The following IL1RAPL1 variants were observed in gnomAD, a reference collection of about 807,000 sequenced individuals.
The protein encoded by IL1RAPL1 is interleukin-1 receptor accessory protein-like 1.
IL1RAPL1 carries 3 observed loss-of-function variants against 48.4 expected under a neutral mutation model. The ratio of observed to expected loss-of-function variants is 0.06; its 90% CI spans 0.03 to 0.16. The LOEUF (loss-of-function observed/expected upper bound fraction) is 0.16, where lower values mean the gene tolerates loss of function less well. IL1RAPL1 is among the 10% of genes least tolerant of loss of function. The pLI, the probability that IL1RAPL1 is intolerant of heterozygous loss-of-function variation, is 1.00. For missense variants in IL1RAPL1, 349 were observed against 530.6 expected, an observed-to-expected ratio of 0.66 and a Z score of 3.36; for synonymous variants, 185 against 187.7, an observed-to-expected ratio of 0.99 and a Z score of 0.12.
At chrX:29,751,806 C>G (rs983648895) in intron 6 of IL1RAPL1, among the ~76,000 whole-genome samples, 7 of 107,968 alleles carry the variant, frequency 6.5e-5, no homozygotes, top group Admixed American at 6.1e-4. Flanking sequence ...GTGGTTCACA[C>G]CTGTAGTCCT....
At chrX:28,931,819 C>T (rs372390623) in intron 2 of IL1RAPL1, among the ~76,000 whole-genome samples, 3 of 109,945 alleles carry the variant, frequency 2.7e-5, no homozygotes, top group East Asian at 2.9e-4. Flanking sequence ...GGGTGGATCA[C>T]GAGGTCAGGA....
intron 3 of IL1RAPL1, among the ~76,000 whole-genome samples, chrX:29,304,165 T>C (rs1932581204): frequency 9.0e-6 from 1 of 110,980 alleles, no homozygotes; most frequent in Non-Finnish European, 1.9e-5. Context: ...AAATAACTAT[T>C]TTCTTGCTTT....
At chrX:29,177,464 G>A (rs1930047887) in intron 2 of IL1RAPL1, among the ~76,000 whole-genome samples, 1 of 111,633 alleles carries the variant, frequency 9.0e-6, no homozygotes, top group Admixed American at 9.5e-5. Context: ...CTTTTCTAGG[G>A]CAGAGTGGTT....
chrX:28,942,577 A>T (rs1939880484), intron 2 of IL1RAPL1: 3 of 107,248 alleles, frequency 2.8e-5, no homozygotes, highest in Admixed American at 1.0e-4. Flanking sequence ...TCATGTCTCA[A>T]TAAAAAAAGT....
chrX:29,072,481 G>A (rs1255869384), intron 2 of IL1RAPL1, among the ~76,000 whole-genome samples: 1 of 111,240 alleles, frequency 9.0e-6, no homozygotes, highest in Non-Finnish European at 1.9e-5. Flanking sequence ...TAGTCACGTT[G>A]GTTTTAATAT....
intron 2 of IL1RAPL1, among the ~76,000 whole-genome samples, chrX:29,126,894 GGGT>G (rs1928909601): frequency 9.0e-6 from 1 of 111,603 alleles, no homozygotes. Context: ...TTGTAATTCT[GGGT>G]AAGAGTCCTT....
At chrX:29,453,911 A>C (rs1434449956) in intron 5 of IL1RAPL1, among the ~76,000 whole-genome samples, 2 of 112,574 alleles carry the variant, frequency 1.8e-5, no homozygotes, top group Non-Finnish European at 3.7e-5. Context: ...TATGTGTTCT[A>C]AATATATTTT....
At chrX:29,360,084 C>A (rs948543795) in intron 3 of IL1RAPL1, among the ~76,000 whole-genome samples, 9 of 111,700 alleles carry the variant, frequency 8.1e-5, no homozygotes, top group African/African-American at 2.9e-4. Context: ...TTATTTTGGT[C>A]AATTTTGTTT....
chrX:28,962,594 T>G (rs889816995), intron 2 of IL1RAPL1, among the ~76,000 whole-genome samples: 3 of 111,088 alleles, frequency 2.7e-5, no homozygotes, highest in Admixed American at 1.9e-4. Flanking sequence ...GACTGTAGAT[T>G]GAAAATATTC....
intron 6 of IL1RAPL1, among the ~76,000 whole-genome samples, chrX:29,836,995 C>T (rs1931021500): frequency 9.1e-6 from 1 of 109,595 alleles, no homozygotes; most frequent in Non-Finnish European, 1.9e-5. Flanking sequence ...TGCGGTGGCT[C>T]ATGCCTGTAA....
At chrX:29,009,014 C>A (rs1022778457) in intron 2 of IL1RAPL1, among the ~76,000 whole-genome samples, 2 of 110,867 alleles carry the variant, frequency 1.8e-5, no homozygotes, top group Non-Finnish European at 3.8e-5. Context: ...TACTACATAG[C>A]CACAAAAAAG....
At chrX:29,278,204 A>G (rs1480908436) in intron 2 of IL1RAPL1, among the ~76,000 whole-genome samples, 1 of 112,274 alleles carries the variant, frequency 8.9e-6, no homozygotes, top group Non-Finnish European at 1.9e-5. Flanking sequence ...TTTAGCTTTT[A>G]CATAGGTAGT....
chrX:29,394,142 G>A (rs1259975808), intron 3 of IL1RAPL1, among the ~76,000 whole-genome samples: 1 of 109,697 alleles, frequency 9.1e-6, no homozygotes, highest in African/African-American at 3.3e-5. Flanking sequence ...CATTGATTCA[G>A]TGTCTTAAGT....
At chrX:29,137,501 G>A (rs934291846) in intron 2 of IL1RAPL1, among the ~76,000 whole-genome samples, 4 of 111,709 alleles carry the variant, frequency 3.6e-5, no homozygotes, top group Non-Finnish European at 7.5e-5. Context: ...CTTAGTGTAT[G>A]AACCACATTT....
chrX:29,210,482 G>A lies in IL1RAPL1; in HGVS notation c.83-72456G>A, dbSNP rs191291737. On this transcript the variant is annotated intron_variant, in intron 2 of 10. Coordinates refer to ENST00000378993, the MANE Select transcript of IL1RAPL1 (RefSeq NM_014271.4). ...TCTTAAGGAAGGGATAGTCAAATGTGCATCATTTAAATGTGATCTTAGATA... is the reference window on the plus strand; with the variant it reads ...TCTTAAGGAAGGGATAGTCAAATGTACATCATTTAAATGTGATCTTAGATA... Among the ~76,000 whole-genome samples the A allele has an allele frequency of 4.9e-3, 550 of 112,118 alleles. 8 individuals are homozygous for A. Among genetic ancestry groups the A allele is most frequent in the Non-Finnish European group, 6.8e-3 (364 of 53,223 alleles).
chrX:29,343,151 C>T (rs1933105685), intron 3 of IL1RAPL1, among the ~76,000 whole-genome samples: 1 of 112,221 alleles, frequency 8.9e-6, no homozygotes, highest in South Asian at 3.7e-4. Flanking sequence ...AAAATGAAAA[C>T]AGCTTTAACT....
intron 6 of IL1RAPL1, among the ~76,000 whole-genome samples, chrX:29,767,465 A>G (rs776170307): frequency 1.8e-5 from 2 of 112,119 alleles, no homozygotes; most frequent in South Asian, 3.7e-4. Flanking sequence ...AGTATAATCT[A>G]AATGGTGAAA....
At chrX:28,802,784 A>G (rs904963350) in intron 2 of IL1RAPL1, among the ~76,000 whole-genome samples, 24 of 111,985 alleles carry the variant, frequency 2.1e-4, no homozygotes, top group African/African-American at 6.2e-4. Flanking sequence ...TTCTATAAAT[A>G]TGTTCTATAA....
chrX:29,748,690 T>G (rs982382871), intron 6 of IL1RAPL1, among the ~76,000 whole-genome samples: 6 of 112,892 alleles, frequency 5.3e-5, no homozygotes, highest in Non-Finnish European at 7.5e-5. Flanking sequence ...CCTTTCTGTT[T>G]TAGAGTCATC....
Sources: allele counts gnomAD v4.1 joint callset (sites outside exome capture counted in the v4.1 genomes callset), GRCh38; gene constraint gnomAD v4.1.1; transcripts MANE v1.5; gene names NCBI Gene and HGNC (gene_info 2026-07-23, HGNC 2026-07-21).